MALRD1: variants seen among roughly 807,000 people sequenced by gnomAD.
MALRD1 encodes the protein MAM and LDL receptor class A domain containing 1.
A neutral mutation model predicts 242.1 loss-of-function variants in MALRD1; 247 were observed. That is an observed-to-expected ratio of 1.02 (90% CI 0.92 to 1.13). The LOEUF (loss-of-function observed/expected upper bound fraction) is 1.13, where lower values mean the gene tolerates loss of function less well. MALRD1 is among the 50% of genes most tolerant of loss of function. The pLI is 0.00. For missense variants in MALRD1, 2,989 were observed against 2,533.1 expected, an observed-to-expected ratio of 1.18 and a Z score of -3.86; for synonymous variants, 995 against 866.6, an observed-to-expected ratio of 1.15 and a Z score of -2.60.
In MALRD1 at chr10:19,623,281, T is replaced by C. The variant is rs188581196; in HGVS notation, c.6137+7358T>C. On this transcript the variant is annotated intron_variant, in intron 36 of 39. Coordinates refer to ENST00000454679, the MANE Select transcript of MALRD1 (RefSeq NM_001142308.3). ...TCAGAAAAAGTACAAATATCCCTAA[T>C]ACACAAAGAACTATTTTAATATACA... 9.0e-4 allele frequency among the ~76,000 whole-genome samples: 137 copies of C among 152,048 alleles called. 1 individual carries two copies. The highest frequency in any genetic ancestry group is 5.4e-3 in the Admixed American group (83 of 15,266).
intron 23 of MALRD1, among the ~76,000 whole-genome samples, chr10:19,329,455 T>C (rs747342119): frequency 2.2e-4 from 33 of 152,052 alleles, no homozygotes; most frequent in Admixed American, 1.2e-3. Context: ...CAATAATTTT[T>C]ACTATTTGAG....
intron 5 of MALRD1, among the ~76,000 whole-genome samples, chr10:19,123,197 G>A (rs1462415230): frequency 6.6e-6 from 1 of 152,116 alleles, no homozygotes; most frequent in Non-Finnish European, 1.5e-5. Context: ...CTCCTATGAA[G>A]GATTGGCTTT....
intron 33 of MALRD1, among the ~76,000 whole-genome samples, chr10:19,580,556 C>T (rs555587914): frequency 3.3e-5 from 5 of 152,222 alleles, no homozygotes; most frequent in Admixed American, 3.3e-4. Context: ...AGGTAACCTG[C>T]CTCTGGATGT....
intron 18 of MALRD1, among the ~76,000 whole-genome samples, chr10:19,217,265 T>C (rs960238867): frequency 6.6e-6 from 1 of 152,172 alleles, no homozygotes; most frequent in Admixed American, 6.5e-5. Flanking sequence ...TCTGTGTGCC[T>C]CTCATCCCTA....
At chr10:19,306,052 T>TATA (rs1842164702) in intron 21 of MALRD1, among the ~76,000 whole-genome samples, 1 of 102,506 alleles carries the variant, frequency 9.8e-6, no homozygotes, top group African/African-American at 4.3e-5. Flanking sequence ...TAGTATACAA[T>TATA]TTATTATACT....
chr10:19,626,747 C>G (rs986194775), intron 36 of MALRD1, among the ~76,000 whole-genome samples: 1 of 150,856 alleles, frequency 6.6e-6, no homozygotes, highest in Non-Finnish European at 1.5e-5. Flanking sequence ...AAAAAATGAA[C>G]AAACCACTTT....
intron 19 of MALRD1, among the ~76,000 whole-genome samples, chr10:19,267,679 T>A (rs1233098143): frequency 6.6e-6 from 1 of 152,160 alleles, no homozygotes; most frequent in Admixed American, 6.5e-5. Context: ...ATTATACTTG[T>A]CTCAGAATAA....
At chr10:19,573,542 C>A (rs1836662416) in intron 33 of MALRD1, among the ~76,000 whole-genome samples, 1 of 152,068 alleles carries the variant, frequency 6.6e-6, no homozygotes, top group African/African-American at 2.4e-5. Flanking sequence ...TTTCTCTTCC[C>A]AGAACAATCA....
At chr10:19,719,805 C>A (rs568273825) in intron 38 of MALRD1, among the ~76,000 whole-genome samples, 28 of 151,676 alleles carry the variant, frequency 1.8e-4, no homozygotes, top group African/African-American at 6.5e-4. Context: ...TTCAAATTGG[C>A]TTCTTTTCTT....
At chr10:19,602,397 C>T (rs958115393) in intron 34 of MALRD1, among the ~76,000 whole-genome samples, 4 of 144,660 alleles carry the variant, frequency 2.8e-5, no homozygotes, top group Non-Finnish European at 6.0e-5. Context: ...TTCCTGTGTC[C>T]AAGTGTTCTC....
intron 28 of MALRD1, among the ~76,000 whole-genome samples, chr10:19,425,456 A>G (rs908873785): frequency 2.4e-4 from 36 of 152,058 alleles, no homozygotes; most frequent in African/African-American, 8.7e-4. Flanking sequence ...GTGTGTGTGT[A>G]TGTATACATG....
intron 29 of MALRD1, among the ~76,000 whole-genome samples, chr10:19,451,020 G>C (rs1022872381): frequency 2.0e-5 from 3 of 152,146 alleles, no homozygotes; most frequent in Non-Finnish European, 4.4e-5. Context: ...ATGAAGGGAG[G>C]AGAATAAACA....
intron 26 of MALRD1, among the ~76,000 whole-genome samples, chr10:19,371,092 T>TAAAAA (rs759092754): frequency 8.1e-6 from 1 of 123,768 alleles, no homozygotes; most frequent in African/African-American, 3.1e-5. Flanking sequence ...TCTACGAAAT[T>TAAAAA]AAAAAAAAAA....
intron 36 of MALRD1, among the ~76,000 whole-genome samples, chr10:19,629,290 T>C (rs1839809013): frequency 6.6e-6 from 1 of 152,280 alleles, no homozygotes; most frequent in African/African-American, 2.4e-5. Flanking sequence ...CCAGATTCTG[T>C]TCGCTGGTCA....
intron 19 of MALRD1, 55 bp downstream of exon 19, chr10:19,257,826 C>A: frequency 1.7e-6 from 2 of 1,194,084 alleles, no homozygotes; most frequent in Non-Finnish European, 2.3e-6. Context: ...ACTTGGAAAA[C>A]TTGCAAGGAA....
chr10:19,177,058 G>A (rs1319747735), intron 14 of MALRD1, among the ~76,000 whole-genome samples: 2 of 151,840 alleles, frequency 1.3e-5, no homozygotes, highest in Non-Finnish European at 2.9e-5. Flanking sequence ...GGGCGGATCA[G>A]TTGAGGTCAG....
rs1012683185 is a variant in MALRD1 at position 19,238,828 on chromosome 10, T to C, written c.2992-18856T>C. On this transcript the variant is annotated intron_variant, in intron 18 of 39. Transcript: ENST00000454679. The stretch of plus-strand genomic sequence containing the variant: ...GTTTTGCTTAATGGTTGTACTAGTT[T>C]ACAATCCCATCAACAGTGTGTAAGT... 2.0e-5 allele frequency among the ~76,000 whole-genome samples: 3 copies of C among 151,414 alleles called. No individual in the cohort carries two copies. In the Admixed American group the frequency reaches 2.0e-4, roughly 10 times the overall value.
intron 33 of MALRD1, among the ~76,000 whole-genome samples, chr10:19,573,642 C>T (rs1836668363): frequency 6.6e-6 from 1 of 152,124 alleles, no homozygotes; most frequent in African/African-American, 2.4e-5. Context: ...TGATTTTTCT[C>T]ATTCATGAAA....
chr10:19,162,793 C>T (rs889528954), intron 12 of MALRD1, among the ~76,000 whole-genome samples: 2 of 151,914 alleles, frequency 1.3e-5, no homozygotes, highest in African/African-American at 2.4e-5. Context: ...ACTATTCCAC[C>T]CAGCAATCCC....
Sources: gnomAD v4.1 joint callset for allele counts (sites outside exome capture counted in the v4.1 genomes callset) on GRCh38, gnomAD v4.1.1 for gene constraint, MANE v1.5 for transcripts, NCBI Gene and HGNC (gene_info 2026-07-23, HGNC 2026-07-21) for gene names.